The following C8orf74 variants were observed in gnomAD, a reference collection of about 807,000 sequenced individuals.
The protein encoded by C8orf74 is uncharacterized protein C8orf74.
C8orf74 carries 29 observed loss-of-function variants against 22.2 expected under a neutral mutation model. That is an observed-to-expected ratio of 1.31 (90% confidence interval 0.97 to 1.78). The LOEUF (loss-of-function observed/expected upper bound fraction) is 1.78, where lower values mean the gene tolerates loss of function less well. Among genes scored for constraint, C8orf74 ranks in the 40% most tolerant of loss-of-function variants. C8orf74 has a pLI of 0.00. For missense variants in C8orf74, 515 were observed against 369.9 expected (o/e 1.39, Z -3.22); for synonymous variants, 255 against 163.1 (o/e 1.56, Z -4.30).
intron 2 of C8orf74, among the ~76,000 whole-genome samples, chr8:10,681,834 G>A (rs565630049): frequency 9.8e-5 from 15 of 152,352 alleles, no homozygotes; most frequent in South Asian, 6.2e-4. Flanking sequence ...CAGGGCAGCC[G>A]GGTGAGTGCC....
At chr8:10,686,571 C>T (rs6993755) in intron 2 of C8orf74, 3,087 of 153,170 alleles carry the variant, frequency 0.02, 100 homozygotes, top group African/African-American at 0.07. Flanking sequence ...AGACTTGGGT[C>T]TACAGCCACA....
At position 10,690,829 on chromosome 8, in the gene C8orf74, T is replaced by G. The variant is rs1026441786; in HGVS notation, c.242-6770T>G. ...CAAGCCTCCCCCGCCCTTCCCCTCCTCATTCCTCTCCTCCTCCACTCGTGC... is the reference window on the plus strand; with the variant it reads ...CAAGCCTCCCCCGCCCTTCCCCTCCGCATTCCTCTCCTCCTCCACTCGTGC... On this transcript the variant is annotated intron_variant, in intron 2 of 3. Transcript: ENST00000304519. The G allele has an allele frequency of 1.7e-4, 77 of 452,196 alleles. No homozygotes were observed. In the Admixed American group the frequency reaches 1.8e-3, roughly 11 times the overall value. 28.0% of individuals were successfully genotyped at this position (452,196 alleles called of 1,614,324 possible).
At chr8:10,696,270 AC>A (rs1415186603) in intron 2 of C8orf74, among the ~76,000 whole-genome samples, 2 of 151,820 alleles carry the variant, frequency 1.3e-5, no homozygotes, top group African/African-American at 4.8e-5. Context: ...GAGATGGGTC[AC>A]CCCCACAAGG....
chr8:10,672,667 TG>T lies in C8orf74; in HGVS notation c.4del (p.Ala2?). On this transcript the variant is annotated frameshift_variant and start_lost, in exon 1 of 4. Coordinates refer to ENST00000304519, the MANE Select transcript of C8orf74 (RefSeq NM_001040032.2). LOFTEE classifies it high-confidence loss of function. ...TCCTGGCAACCAGATGCAGGGGCCATGGCACTCTTAACACCCCAGGGAGTGA... is the reference window on the plus strand; with the variant it reads ...TCCTGGCAACCAGATGCAGGGGCCATGCACTCTTAACACCCCAGGGAGTGA... Reference protein sequence around the residue: MALLTPQGVKE... With the variant: XALLTPQGVKE... The T allele has an allele frequency of 6.4e-7, 1 of 1,564,882 alleles. No individual in the cohort carries two copies. Among genetic ancestry groups the T allele is most frequent in the African/African-American group, 1.4e-5 (1 of 73,720 alleles).
At chr8:10,676,457 C>T (rs577081234) in intron 2 of C8orf74, among the ~76,000 whole-genome samples, 6 of 152,178 alleles carry the variant, frequency 3.9e-5, no homozygotes, top group Non-Finnish European at 8.8e-5. Context: ...ATTCTGCAAT[C>T]GATTTACCAA....
rs563510835 is a variant in C8orf74, at chr8:10,698,112, G to C, written c.648+107G>C. 7.4e-4 allele frequency: 838 copies of C among 1,134,144 alleles called. 1 individual carries two copies. The highest frequency in any genetic ancestry group is 9.0e-4 in the Non-Finnish European group (755 of 836,782). 70.3% of individuals were successfully genotyped at this position (1,134,144 alleles called of 1,614,324 possible). On this transcript the variant is annotated intron_variant, in intron 3 of 3. Coordinates refer to ENST00000304519, the MANE Select transcript of C8orf74 (RefSeq NM_001040032.2). ...GCTCCTCAGTGGCACACAGGGGAGG[G>C]GGAGAGATGCAGGGAGGAATCAAGA...
Position 10,674,690 on chromosome 8 carries a change from G to C in C8orf74, c.93G>C (p.Glu31Asp). 6.2e-7 allele frequency: 1 copy of C among 1,610,406 alleles called. No homozygotes were observed. Among genetic ancestry groups the C allele is most frequent in the Non-Finnish European group, 8.5e-7 (1 of 1,178,414 alleles). The change falls in exon 2 of 4, where the codon GAG (glutamate) becomes GAC (aspartate). Residue 31 changes from glutamate to aspartate, a missense_variant. Physicochemically the swap from Glu to Asp is conservative, Grantham distance 45. Transcript: ENST00000304519. ...GCCTGCGGAGGCTTCTGAACTGGGA[G>C]GAGTTTGACGAACAGAGAGACTCCC... ...RERLRRLLNW[E>D]EFDEQRDSRR... is the part of the protein sequence containing the mutation.
At chr8:10,697,427 G>A (rs1427717512) in intron 2 of C8orf74, among the ~76,000 whole-genome samples, 172 bp from the exon 3 acceptor site, 14 of 152,088 alleles carry the variant, frequency 9.2e-5, no homozygotes, top group Admixed American at 9.2e-4. Flanking sequence ...CTCCAGCCTG[G>A]GTGAGAGTTA....
In C8orf74 at chr8:10,682,790, G is replaced by A. The variant is rs76296504; in HGVS notation, c.241+7952G>A. On this transcript the variant is annotated intron_variant, in intron 2 of 3. Coordinates refer to ENST00000304519, the MANE Select transcript of C8orf74 (RefSeq NM_001040032.2). ...CAGTAAGTAGGTCAGAAATCAAGAC[G>A]GGGCCATAGAAACCTTCCCCTGCCT... 2.0e-3 allele frequency among the ~76,000 whole-genome samples: 300 copies of A among 152,342 alleles called. 1 individual carries two copies. The highest frequency in any genetic ancestry group is 6.8e-3 in the African/African-American group (284 of 41,582).
intron 2 of C8orf74, among the ~76,000 whole-genome samples, chr8:10,680,451 G>T (rs1353908271): frequency 6.6e-6 from 1 of 152,184 alleles, no homozygotes; most frequent in Non-Finnish European, 1.5e-5. Context: ...GACACAGGAT[G>T]GTCCCATATC....
At chr8:10,698,442 G>A (rs1278971225) in intron 3 of C8orf74, among the ~76,000 whole-genome samples, 1 of 152,112 alleles carries the variant, frequency 6.6e-6, no homozygotes, top group Non-Finnish European at 1.5e-5. Flanking sequence ...CAGGGACATG[G>A]GGACAGCTTG....
In C8orf74 at chr8:10,700,527, C is replaced by A; in HGVS notation, c.*56C>A. The A allele has an allele frequency of 8.7e-7, 1 of 1,154,718 alleles. No individual in the cohort carries two copies. Among genetic ancestry groups the A allele is most frequent in the Non-Finnish European group, 1.2e-6 (1 of 826,278 alleles). The allele number at this position is 1,154,718 out of a possible 1,614,324, so 71.5% of individuals were successfully genotyped here. ...GGGACCAGCCACCCATAACCATGAG[C>A]CTTGCGGCACGGTGAGCTCAGCACC... On this transcript the variant is annotated 3_prime_UTR_variant, in exon 4 of 4. Coordinates refer to ENST00000304519, the MANE Select transcript of C8orf74 (RefSeq NM_001040032.2).
intron 3 of C8orf74, among the ~76,000 whole-genome samples, chr8:10,698,901 CCACACACACA>C (rs59324425): frequency 0.03 from 4,141 of 137,602 alleles, 195 homozygotes; most frequent in African/African-American, 0.1. Context: ...TACACACACA[CCACACACACA>C]CACACACACA....
At chr8:10,690,385 C>T (rs1799350969) in intron 2 of C8orf74, among the ~76,000 whole-genome samples, 1 of 152,132 alleles carries the variant, frequency 6.6e-6, no homozygotes, top group African/African-American at 2.4e-5. Context: ...TTAGTAGTCT[C>T]CCCAGGAGCA....
At chr8:10,698,999 G>A (rs1386576660) in intron 3 of C8orf74, among the ~76,000 whole-genome samples, 1 of 151,366 alleles carries the variant, frequency 6.6e-6, no homozygotes, top group Non-Finnish European at 1.5e-5. Context: ...CTCATCCAAG[G>A]ATAAGTCTCC....
At chr8:10,698,501 G>C (rs1342892496) in intron 3 of C8orf74, among the ~76,000 whole-genome samples, 1 of 152,138 alleles carries the variant, frequency 6.6e-6, no homozygotes, top group Non-Finnish European at 1.5e-5. Flanking sequence ...GGGGCCCAGG[G>C]AGGACTTAGG....
chr8:10,699,360 C>G (rs1799603370), intron 3 of C8orf74, among the ~76,000 whole-genome samples: 1 of 152,254 alleles, frequency 6.6e-6, no homozygotes, highest in South Asian at 2.1e-4. Flanking sequence ...TCTTATAGCA[C>G]AACCTTCCCC....
At chr8:10,688,152 C>G (rs1477799561) in intron 2 of C8orf74, 2 of 150,678 alleles carry the variant, frequency 1.3e-5, no homozygotes, top group Non-Finnish European at 2.9e-5. Flanking sequence ...CTGCAGTGAG[C>G]CAAGATCACG....
intron 2 of C8orf74, among the ~76,000 whole-genome samples, chr8:10,693,782 C>T (rs139340710): frequency 1.1e-3 from 164 of 152,314 alleles, no homozygotes; most frequent in African/African-American, 3.8e-3. Flanking sequence ...GCACACCCTA[C>T]GTCCGAGGAC....
Sources: allele counts gnomAD v4.1 joint callset (sites outside exome capture counted in the v4.1 genomes callset), GRCh38; gene constraint gnomAD v4.1.1; transcripts MANE v1.5; gene names NCBI Gene and HGNC (gene_info 2026-07-23, HGNC 2026-07-21).